Variants in NRG3 observed in about 807,000 individuals in gnomAD.
NRG3 encodes pro-neuregulin-3, membrane-bound isoform.
A neutral mutation model predicts 66.9 loss-of-function variants in NRG3; 31 were observed. That is an observed-to-expected ratio of 0.46 (90% CI 0.35 to 0.63). NRG3 has a LOEUF of 0.63. Ranked by LOEUF, NRG3 falls within the 20% of genes least tolerant of loss-of-function variation. The pLI, the probability that NRG3 is intolerant of heterozygous loss-of-function variation, is 0.00. For missense variants in NRG3, 910 were observed against 878.9 expected (o/e 1.04, Z -0.45); for synonymous variants, 393 against 359.4 (o/e 1.09, Z -1.06).
chr10:82,166,342 A>G (rs1019494995), intron 1 of NRG3, among the ~76,000 whole-genome samples: 3 of 152,098 alleles, frequency 2.0e-5, no homozygotes, highest in African/African-American at 4.8e-5. Context: ...TAATGATTCC[A>G]TATTATGTTC....
chr10:82,628,773 C>T (rs995593520), intron 2 of NRG3, among the ~76,000 whole-genome samples: 1 of 152,124 alleles, frequency 6.6e-6, no homozygotes, highest in Non-Finnish European at 1.5e-5. Flanking sequence ...GCAATTGAAA[C>T]TTTGGGGACT....
intron 1 of NRG3, among the ~76,000 whole-genome samples, chr10:82,154,683 A>G (rs2071053043): frequency 6.6e-6 from 1 of 151,804 alleles, no homozygotes; most frequent in Admixed American, 6.6e-5. Flanking sequence ...AATGATATTA[A>G]TTCTTCTAAT....
intron 3 of NRG3, among the ~76,000 whole-genome samples, chr10:82,758,660 G>T (rs2059175913): frequency 6.6e-6 from 1 of 151,906 alleles, no homozygotes; most frequent in African/African-American, 2.4e-5. Flanking sequence ...ACCAGTGAAG[G>T]TCTTGGTCAG....
At chr10:81,936,815 G>T (rs1847918671) in intron 1 of NRG3, among the ~76,000 whole-genome samples, 1 of 152,128 alleles carries the variant, frequency 6.6e-6, no homozygotes, top group South Asian at 2.1e-4. Flanking sequence ...GAGGGGAGGG[G>T]AAGCCATGTG....
At chr10:82,345,972 A>G (rs1193810011) in intron 1 of NRG3, among the ~76,000 whole-genome samples, 5 of 152,146 alleles carry the variant, frequency 3.3e-5, no homozygotes, top group South Asian at 4.1e-4. Context: ...GGGCTGAGAC[A>G]ATGCGGTTTT....
chr10:82,666,016 C>A (rs2052749889), intron 2 of NRG3, among the ~76,000 whole-genome samples: 1 of 152,178 alleles, frequency 6.6e-6, no homozygotes, highest in Non-Finnish European at 1.5e-5. Flanking sequence ...CATGTGCCAC[C>A]ATGCCCAGCT....
chr10:82,828,014 C>T (rs982419132), intron 3 of NRG3, among the ~76,000 whole-genome samples: 94 of 151,796 alleles, frequency 6.2e-4, no homozygotes, highest in African/African-American at 2.1e-3. Flanking sequence ...AACCTCTGCC[C>T]CTACTCTGAA....
intron 2 of NRG3, among the ~76,000 whole-genome samples, chr10:82,621,043 A>C (rs2049007556): frequency 6.6e-6 from 1 of 152,110 alleles, no homozygotes; most frequent in South Asian, 2.1e-4. Context: ...ATTTTAGAGT[A>C]ACTGAGCTTA....
chr10:82,080,547 C>T (rs1400864554), intron 1 of NRG3, among the ~76,000 whole-genome samples: 2 of 152,110 alleles, frequency 1.3e-5, no homozygotes, highest in Admixed American at 6.5e-5. Flanking sequence ...CCACATGCTC[C>T]TACAGCCTGG....
intron 2 of NRG3, among the ~76,000 whole-genome samples, chr10:82,391,809 C>A (rs149633078): frequency 6.6e-6 from 1 of 151,854 alleles, no homozygotes; most frequent in Non-Finnish European, 1.5e-5. Flanking sequence ...TTGAAATAGA[C>A]CTTACATAAT....
At chr10:82,976,599 T>C (rs79339067) in intron 7 of NRG3, among the ~76,000 whole-genome samples, 1 of 152,202 alleles carries the variant, frequency 6.6e-6, no homozygotes, top group East Asian at 1.9e-4. Context: ...ATCTTCCTTT[T>C]GTCACTCCCT....
intron 1 of NRG3, among the ~76,000 whole-genome samples, chr10:81,956,935 A>G (rs1268594154): frequency 6.6e-6 from 1 of 152,094 alleles, no homozygotes; most frequent in Non-Finnish European, 1.5e-5. Context: ...CTTCCCTAAA[A>G]CATTAATCTC....
At chr10:82,840,768 G>A (rs2063017754) in intron 3 of NRG3, among the ~76,000 whole-genome samples, 2 of 152,048 alleles carry the variant, frequency 1.3e-5, no homozygotes, top group Admixed American at 6.6e-5. Flanking sequence ...AAAATGGAGA[G>A]GGTTGAAAAT....
intron 1 of NRG3, among the ~76,000 whole-genome samples, chr10:82,164,009 C>T (rs2071828961): frequency 6.6e-6 from 1 of 151,596 alleles, no homozygotes; most frequent in Non-Finnish European, 1.5e-5. Context: ...CAACCTCCAC[C>T]TCCTGGGTTC....
intron 4 of NRG3, among the ~76,000 whole-genome samples, chr10:82,895,426 T>G (rs1843557785): frequency 6.6e-6 from 1 of 151,974 alleles, no homozygotes; most frequent in Non-Finnish European, 1.5e-5. Context: ...ACAAGAGAGT[T>G]TAATCATATT....
At chr10:82,656,129 T>C (rs1294586159) in intron 2 of NRG3, among the ~76,000 whole-genome samples, 1 of 152,134 alleles carries the variant, frequency 6.6e-6, no homozygotes, top group East Asian at 1.9e-4. Context: ...TTAAACAAGT[T>C]CATGTATTAC....
chr10:82,491,675 A>T (rs531288325), intron 2 of NRG3, among the ~76,000 whole-genome samples: 12 of 152,188 alleles, frequency 7.9e-5, no homozygotes, highest in African/African-American at 2.9e-4. Context: ...AATTTATTTC[A>T]GGCTTCATAT....
chr10:82,503,054 G>A (rs943002786), intron 2 of NRG3, among the ~76,000 whole-genome samples: 1 of 150,632 alleles, frequency 6.6e-6, no homozygotes, highest in African/African-American at 2.5e-5. Context: ...TTGTCTCAAT[G>A]GAAATAACAG....
At chr10:81,920,122 G>A (rs1846112673) in intron 1 of NRG3, among the ~76,000 whole-genome samples, 1 of 152,162 alleles carries the variant, frequency 6.6e-6, no homozygotes, top group Non-Finnish European at 1.5e-5. Context: ...GAGGTGTAAG[G>A]ATGACACTAT....
Sources: allele counts gnomAD v4.1 joint callset (sites outside exome capture counted in the v4.1 genomes callset), GRCh38; gene constraint gnomAD v4.1.1; transcripts MANE v1.5; gene names NCBI Gene and HGNC (gene_info 2026-07-23, HGNC 2026-07-21).